The following TMC1 variants were observed in gnomAD, a reference collection of about 807,000 sequenced individuals.
TMC1 encodes the protein transmembrane channel-like protein 1.
Under a neutral mutation model 105.8 loss-of-function variants are expected in TMC1, and 84 were observed. The ratio of observed to expected loss-of-function variants is 0.79; its 90% confidence interval spans 0.67 to 0.95. TMC1 has a LOEUF of 0.95. Ranked by LOEUF, TMC1 falls within the 40% of genes least tolerant of loss-of-function variation. The pLI is 0.00. For missense variants in TMC1, 817 were observed against 914.1 expected, an observed-to-expected ratio of 0.89 and a Z score of 1.37; for synonymous variants, 315 against 311.5, an observed-to-expected ratio of 1.01 and a Z score of -0.12.
intron 18 of TMC1, among the ~76,000 whole-genome samples, chr9:72,807,122 G>A (rs979268023): frequency 1.6e-4 from 24 of 152,182 alleles, no homozygotes; most frequent in Non-Finnish European, 2.2e-4. Flanking sequence ...GCGTGTCGGC[G>A]CGAGCCTGCA....
chr9:72,749,575 T>C (rs1827544817), intron 10 of TMC1, among the ~76,000 whole-genome samples: 1 of 152,118 alleles, frequency 6.6e-6, no homozygotes, highest in African/African-American at 2.4e-5. Context: ...AGTGCTGGGC[T>C]GGGCTGAGGT....
intron 2 of TMC1, among the ~76,000 whole-genome samples, chr9:72,595,979 C>G (rs770005655): frequency 2.6e-5 from 4 of 151,296 alleles, no homozygotes; most frequent in Non-Finnish European, 5.9e-5. Context: ...TGGGTTCAAG[C>G]GATTCTTCCG....
At chr9:72,552,086 TA>T (rs147804317) in intron 1 of TMC1, among the ~76,000 whole-genome samples, 153 of 152,262 alleles carry the variant, frequency 1.0e-3, no homozygotes, top group Admixed American at 1.6e-3. Flanking sequence ...CAGTAGCCCT[TA>T]AACTAACACA....
At chr9:72,744,665 G>A (rs371187686) in intron 10 of TMC1, among the ~76,000 whole-genome samples, 27 of 152,144 alleles carry the variant, frequency 1.8e-4, no homozygotes, top group African/African-American at 6.0e-4. Context: ...AAATTGTAGG[G>A]CTGAGTCTTG....
At chr9:72,725,851 C>T (rs551616479) in intron 8 of TMC1, among the ~76,000 whole-genome samples, 9 of 152,132 alleles carry the variant, frequency 5.9e-5, no homozygotes, top group East Asian at 3.9e-4. Flanking sequence ...CCACCATGCC[C>T]GGCTAATTTT....
intron 1 of TMC1, among the ~76,000 whole-genome samples, chr9:72,538,394 CTTGTATTGTATTGTATTGTATTGTA>C (rs71357577): frequency 7.0e-6 from 1 of 143,778 alleles, no homozygotes; most frequent in Non-Finnish European, 1.5e-5. Flanking sequence ...GGATAAAATA[CTTGTATTGTATTGTATTGTATTGTA>C]TTGTATTGTA....
intron 4 of TMC1, among the ~76,000 whole-genome samples, chr9:72,640,199 A>G (rs17058056): frequency 0.037 from 5,668 of 152,342 alleles, 200 homozygotes; most frequent in Middle Eastern, 0.11. Flanking sequence ...GTGTGATAAT[A>G]TAGTTAGGAT....
chr9:72,653,091 A>G (rs1331949954), intron 5 of TMC1, among the ~76,000 whole-genome samples: 1 of 152,244 alleles, frequency 6.6e-6, no homozygotes, highest in Non-Finnish European at 1.5e-5. Context: ...ATTCTCATAG[A>G]AATTCACTTT....
At chr9:72,691,278 A>T (rs528266365) in intron 6 of TMC1, among the ~76,000 whole-genome samples, 1 of 152,098 alleles carries the variant, frequency 6.6e-6, no homozygotes, top group Non-Finnish European at 1.5e-5. Context: ...TATTTTTAAT[A>T]GTCTGTTAAG....
At chr9:72,770,858 C>A (rs1244478885) in intron 12 of TMC1, among the ~76,000 whole-genome samples, 3 of 152,078 alleles carry the variant, frequency 2.0e-5, no homozygotes, top group Non-Finnish European at 4.4e-5. Context: ...GAAAAAGGAG[C>A]AAATCCCTCC....
At chr9:72,751,482 A>G (rs1457572536) in intron 10 of TMC1, among the ~76,000 whole-genome samples, 1 of 152,252 alleles carries the variant, frequency 6.6e-6, no homozygotes, top group Non-Finnish European at 1.5e-5. Context: ...CACTGTAGTT[A>G]CCTTTACATA....
At chr9:72,594,645 C>A (rs1564432520) in intron 2 of TMC1, among the ~76,000 whole-genome samples, 1 of 152,104 alleles carries the variant, frequency 6.6e-6, no homozygotes, top group Non-Finnish European at 1.5e-5. Context: ...AATTAGAAAA[C>A]ACAAACTTTG....
At chr9:72,710,682 C>T (rs978169476) in intron 8 of TMC1, among the ~76,000 whole-genome samples, 3 of 149,992 alleles carry the variant, frequency 2.0e-5, no homozygotes, top group African/African-American at 7.4e-5. Flanking sequence ...TTTTGGTGTC[C>T]ATTTGCATGG....
At chr9:72,828,329 T>A (rs1828990582) in intron 21 of TMC1, among the ~76,000 whole-genome samples, 1 of 152,168 alleles carries the variant, frequency 6.6e-6, no homozygotes, top group Non-Finnish European at 1.5e-5. Context: ...TACATGTCCA[T>A]GATACAGTGG....
intron 12 of TMC1, among the ~76,000 whole-genome samples, chr9:72,769,950 A>G (rs1019037945): frequency 6.6e-6 from 1 of 152,228 alleles, no homozygotes; most frequent in Non-Finnish European, 1.5e-5. Flanking sequence ...AGGAACAAGC[A>G]TGAAGGTTTA....
chr9:72,633,610 G>A (rs1825484925), intron 4 of TMC1, among the ~76,000 whole-genome samples: 1 of 152,060 alleles, frequency 6.6e-6, no homozygotes, highest in Non-Finnish European at 1.5e-5. Flanking sequence ...CACTCAGTTC[G>A]TTTGAGGTGA....
At chr9:72,766,622 G>A (rs1827843231) in intron 12 of TMC1, among the ~76,000 whole-genome samples, 1 of 152,074 alleles carries the variant, frequency 6.6e-6, no homozygotes, top group Non-Finnish European at 1.5e-5. Flanking sequence ...GGGGACAAGA[G>A]TACCAATGCA....
chr9:72,536,294 A>G (rs1381117580), intron 1 of TMC1, among the ~76,000 whole-genome samples: 1 of 152,206 alleles, frequency 6.6e-6, no homozygotes, highest in African/African-American at 2.4e-5. Flanking sequence ...GCCAAAAGAA[A>G]GTGGTAACAG....
chr9:72,539,774 T>A (rs1269217792), intron 1 of TMC1, among the ~76,000 whole-genome samples: 2 of 152,224 alleles, frequency 1.3e-5, no homozygotes, highest in African/African-American at 4.8e-5. Flanking sequence ...TACAGCAACA[T>A]TTCACTACTT....
Sources: gnomAD v4.1 joint callset for allele counts (sites outside exome capture counted in the v4.1 genomes callset) on GRCh38, gnomAD v4.1.1 for gene constraint, MANE v1.5 for transcripts, NCBI Gene and HGNC (gene_info 2026-07-23, HGNC 2026-07-21) for gene names.